HTRA1: variants seen among roughly 807,000 people sequenced by gnomAD.
HTRA1 encodes the protein serine protease HTRA1.
A neutral mutation model predicts 49.7 loss-of-function variants in HTRA1; 26 were observed. The ratio of observed to expected loss-of-function variants is 0.52; its 90% CI spans 0.38 to 0.73. The LOEUF (loss-of-function observed/expected upper bound fraction) is 0.73, where lower values mean the gene tolerates loss of function less well. Among genes scored for constraint, HTRA1 ranks in the 30% least tolerant of loss-of-function variants. The pLI, the probability that HTRA1 is intolerant of heterozygous loss-of-function variation, is 0.00. For missense variants in HTRA1, 561 were observed against 667.2 expected (o/e 0.84, Z 1.75); for synonymous variants, 291 against 286.9 (o/e 1.01, Z -0.14).
chr10:122,480,178 CG>C (rs2097490354), intron 1 of HTRA1, among the ~76,000 whole-genome samples: 1 of 152,152 alleles, frequency 6.6e-6, no homozygotes, highest in South Asian at 2.1e-4. Context: ...CACAGCTGTA[CG>C]GGGCAGAAGT....
rs1371761790 is a variant in HTRA1 at position 122,513,002 on chromosome 10, T to C, written c.1274+937T>C. Among the ~76,000 whole-genome samples the C allele has an allele frequency of 3.9e-5, 6 of 152,338 alleles. No individual in the cohort carries two copies. In the East Asian group the frequency reaches 1.2e-3, roughly 29 times the overall value. On this transcript the variant is annotated intron_variant, in intron 8 of 8. Coordinates refer to ENST00000368984, the MANE Select transcript of HTRA1 (RefSeq NM_002775.5). ...TATTTTGTGACATGTTAAATTTGTA[T>C]GAAATTCAAATTTCAGTGTCCACTG... is the stretch of plus-strand genomic sequence containing the variant.
At chr10:122,485,791 G>A (rs2097492841) in intron 1 of HTRA1, among the ~76,000 whole-genome samples, 1 of 152,238 alleles carries the variant, frequency 6.6e-6, no homozygotes, top group African/African-American at 2.4e-5. Context: ...GAGGAAGTGA[G>A]TTAATGATCC....
chr10:122,469,167 C>T (rs1243341050), intron 1 of HTRA1, among the ~76,000 whole-genome samples: 2 of 152,150 alleles, frequency 1.3e-5, no homozygotes, highest in African/African-American at 4.8e-5. Flanking sequence ...ACCTCAGGAA[C>T]ATCTTTTTCA....
chr10:122,486,673 C>T (rs552601842), intron 1 of HTRA1, among the ~76,000 whole-genome samples: 52 of 152,206 alleles, frequency 3.4e-4, no homozygotes, highest in East Asian at 2.9e-3. Flanking sequence ...AGGGCTGGGA[C>T]GTCTCACAGC....
rs560234575 is a variant in HTRA1, at chr10:122,465,707, T to A, written c.472+3583T>A. Among the ~76,000 whole-genome samples, 6 of 152,256 alleles carry A rather than the reference T, an allele frequency of 3.9e-5. No individual in the cohort carries two copies. The South Asian group carries it at 8.3e-4, about 21-fold the overall frequency. ...CAAGGTTGCCTCCAGTTGCCGTCAG[T>A]GCAGCCCTCACTAAAGAAAAGCAAA... On this transcript the variant is annotated intron_variant, in intron 1 of 8. Transcript: ENST00000368984.
chr10:122,482,734 A>G (rs1202938184), intron 1 of HTRA1, among the ~76,000 whole-genome samples: 1 of 150,758 alleles, frequency 6.6e-6, no homozygotes, highest in Non-Finnish European at 1.5e-5. Flanking sequence ...CCTGACCAAC[A>G]TGGTGAAACC....
rs145818372 is a variant in HTRA1 at position 122,475,921 on chromosome 10, G to A, written c.473-12981G>A. The stretch of plus-strand genomic sequence containing the variant: ...GGAGCCGTGGCTGACAAGTTTCCTT[G>A]GAATTTAATGGAGCGGGCCAGACAG... On this transcript the variant is annotated intron_variant, in intron 1 of 8. Transcript: ENST00000368984. Among the ~76,000 whole-genome samples the A allele has an allele frequency of 6.6e-3, 1,008 of 152,314 alleles. 12 individuals carry two copies. Among genetic ancestry groups the A allele is most frequent in the African/African-American group, 0.022 (927 of 41,564 alleles).
chr10:122,476,295 C>T (rs767380352), intron 1 of HTRA1, among the ~76,000 whole-genome samples: 4 of 152,174 alleles, frequency 2.6e-5, no homozygotes, highest in South Asian at 2.1e-4. Context: ...TCAAATTCAG[C>T]GAGAAACCTC....
At chr10:122,498,615 A>G (rs1210904913) in intron 3 of HTRA1, among the ~76,000 whole-genome samples, 1 of 152,004 alleles carries the variant, frequency 6.6e-6, no homozygotes, top group Non-Finnish European at 1.5e-5. Flanking sequence ...TGAAATATCA[A>G]TGGGCCATTG....
At chr10:122,513,946 C>T (rs1027235777) in intron 8 of HTRA1, among the ~76,000 whole-genome samples, 2 of 150,132 alleles carry the variant, frequency 1.3e-5, no homozygotes, top group African/African-American at 4.9e-5. Context: ...ACCATGTTGG[C>T]CAGGCTGGTC....
intron 3 of HTRA1, among the ~76,000 whole-genome samples, chr10:122,503,579 G>T (rs1456179377): frequency 1.3e-5 from 2 of 152,196 alleles, no homozygotes; most frequent in African/African-American, 4.8e-5. Context: ...AACATGTACT[G>T]GGCGTGTGGG....
chr10:122,478,436 A>T (rs995661282), intron 1 of HTRA1, among the ~76,000 whole-genome samples: 1 of 124,446 alleles, frequency 8.0e-6, no homozygotes, highest in African/African-American at 3.1e-5. Context: ...TCTGTTGCCC[A>T]GGCTGGAGTG....
At chr10:122,512,229 C>T (rs1420179597) in intron 8 of HTRA1, among the ~76,000 whole-genome samples, 164 bp downstream of exon 8, 1 of 152,138 alleles carries the variant, frequency 6.6e-6, no homozygotes, top group Non-Finnish European at 1.5e-5. Context: ...GGCCTTCCGA[C>T]CTGGCTCGGC....
chr10:122,483,901 T>A (rs552795684), intron 1 of HTRA1, among the ~76,000 whole-genome samples: 2 of 152,368 alleles, frequency 1.3e-5, no homozygotes, highest in South Asian at 4.1e-4. Context: ...TGAAATTATT[T>A]ATTGACCTCT....
Position 122,461,990 on chromosome 10 carries a change from C to G in HTRA1, c.338C>G (p.Ala113Gly), listed in dbSNP as rs1379232919. 2 of 1,526,392 alleles carry G rather than the reference C, an allele frequency of 1.3e-6. No homozygotes were observed. The highest frequency in any genetic ancestry group is 1.2e-5 in the South Asian group (1 of 83,292). The allele number at this position is 1,526,392 out of a possible 1,614,324, so 94.6% of individuals were successfully genotyped here. ...GCGCAGGCCGGCCTCTGTGTGTGCG[C>G]CAGCAGCGAGCCGGTGTGCGGCAGC... Reference protein sequence around the residue: ...RRAQAGLCVCASSEPVCGSDA... With the variant: ...RRAQAGLCVCGSSEPVCGSDA... Residue 113 changes from alanine (A) to glycine (G), a missense_variant, in exon 1 of 9, where the codon GCC becomes GGC. This residue lies in a region of HTRA1 where 271 missense variants were observed against 410.0 expected (regional missense o/e 0.66). Transcript: ENST00000368984.
At chr10:122,510,597 G>A (rs1305534859) in intron 7 of HTRA1, among the ~76,000 whole-genome samples, 1 of 152,168 alleles carries the variant, frequency 6.6e-6, no homozygotes, top group East Asian at 1.9e-4. Flanking sequence ...GAATGCCAGG[G>A]CAGGTCCAGC....
In HTRA1 at chr10:122,494,034, C is replaced by T. The variant is rs1007500489; in HGVS notation, c.777+4408C>T. On this transcript the variant is annotated intron_variant, in intron 3 of 8. Transcript: ENST00000368984. The surrounding 1 kb of genome is among the most constrained non-coding windows in gnomAD (Gnocchi z 4.0). ...AAATTCTGCCTTAGACATCTCTCCC[C>T]ACCCCGCTGTGTGAGGTAGCGCCCC... Among the ~76,000 whole-genome samples, 2 of 152,190 alleles carry T rather than the reference C, an allele frequency of 1.3e-5. No individual in the cohort carries two copies. The highest frequency in any genetic ancestry group is 2.9e-5 in the Non-Finnish European group (2 of 68,030).
rs1412955569 is a variant in HTRA1 at position 122,461,715 on chromosome 10, G to C, written c.63G>C (p.Ser21=). Residue 21 remains serine (S), a synonymous_variant, in exon 1 of 9, where the codon TCG becomes TCC. Transcript: ENST00000368984. ...LLLLLLAAPA[S]AQLSRAGRSA... is the part of the protein sequence containing the mutation. ...TGCTGCTGCTGGCGGCGCCCGCCTC[G>C]GCGCAGCTGTCCCGGGCCGGCCGCT... is the stretch of plus-strand genomic sequence containing the variant. 3.1e-6 allele frequency: 4 copies of C among 1,290,780 alleles called. No individual in the cohort carries two copies. The highest frequency in any genetic ancestry group is 2.8e-5 in the South Asian group (2 of 71,388). The allele number at this position is 1,290,780 out of a possible 1,614,324, so 80.0% of individuals were successfully genotyped here.
At position 122,514,518 on chromosome 10, in the gene HTRA1, T is replaced by C. The variant is rs1475476530; in HGVS notation, c.*159T>C. 4.5e-5 allele frequency: 32 copies of C among 712,894 alleles called. No homozygotes were observed. In the East Asian group the frequency reaches 8.3e-4, roughly 19 times the overall value. 44.2% of individuals were successfully genotyped at this position (712,894 alleles called of 1,614,324 possible). The stretch of plus-strand genomic sequence containing the variant: ...GCCAACAGAATCCTTCTTGATAGTT[T>C]GCAGGCAAAACAAATGTAATGTTGC... On this transcript the variant is annotated 3_prime_UTR_variant, in exon 9 of 9. Transcript: ENST00000368984.
Sources: allele counts gnomAD v4.1 joint callset (sites outside exome capture counted in the v4.1 genomes callset), GRCh38; gene constraint gnomAD v4.1.1; regional missense constraint gnomAD v4.1.1; non-coding constraint Gnocchi (gnomAD v3.1); transcripts MANE v1.5; gene names NCBI Gene and HGNC (gene_info 2026-07-23, HGNC 2026-07-21).